ADAMTS6: variants seen among roughly 807,000 people sequenced by gnomAD.
ADAMTS6 encodes the protein ADAM metallopeptidase with thrombospondin type 1 motif 6.
ADAMTS6 carries 23 observed loss-of-function variants against 144.3 expected under a neutral mutation model. The observed-to-expected ratio is 0.16, with a 90% CI of 0.11 to 0.23. The LOEUF is 0.23. ADAMTS6 is among the 10% of genes least tolerant of loss of function. The probability of loss-of-function intolerance (pLI) is 1.00; values close to 1 mark genes in which losing one functional copy is unlikely to be tolerated. For synonymous variants in ADAMTS6, 444 were observed against 457.5 expected (o/e 0.97, Z 0.38); for missense variants, 999 against 1,379.6 (o/e 0.72, Z 4.37).
At chr5:65,204,741 T>G (rs1356614774) in intron 20 of ADAMTS6, among the ~76,000 whole-genome samples, 1 of 152,218 alleles carries the variant, frequency 6.6e-6, no homozygotes, top group Non-Finnish European at 1.5e-5. Context: ...TTATAGGGGA[T>G]TTGTATTATT....
At chr5:65,207,751 A>G (rs1756215046) in intron 20 of ADAMTS6, among the ~76,000 whole-genome samples, 1 of 152,254 alleles carries the variant, frequency 6.6e-6, no homozygotes, top group African/African-American at 2.4e-5. Context: ...CAGTGTTCAT[A>G]ATAACTGAGT....
chr5:65,340,254 C>T (rs979510259), intron 7 of ADAMTS6, among the ~76,000 whole-genome samples: 14 of 151,644 alleles, frequency 9.2e-5, no homozygotes, highest in Admixed American at 3.3e-4. Context: ...AATATGCCAC[C>T]AAAGAATAGT....
rs114834662 is a variant in ADAMTS6, at chr5:65,220,126, A to G, written c.2272+4194T>C. Among the ~76,000 whole-genome samples, 1,319 of 152,308 alleles carry G rather than the reference A, an allele frequency of 8.7e-3. 13 individuals carry two copies. The highest frequency in any genetic ancestry group is 0.058 in the Middle Eastern group (17 of 294). ...GACTATAAAAAAACCTTAACAAAAAACTAAAATCATATAAGGTGTGTTTTC... is the reference window on the plus strand; with the variant it reads ...GACTATAAAAAAACCTTAACAAAAAGCTAAAATCATATAAGGTGTGTTTTC... On this transcript the variant is annotated intron_variant, in intron 18 of 24. Coordinates refer to ENST00000381055, the MANE Select transcript of ADAMTS6 (RefSeq NM_197941.4).
intron 7 of ADAMTS6, among the ~76,000 whole-genome samples, chr5:65,409,128 A>G (rs571757217): frequency 3.5e-4 from 53 of 152,338 alleles, no homozygotes; most frequent in Non-Finnish European, 6.0e-4. Flanking sequence ...AAGCTAGCAG[A>G]AGGCAAGAAA....
At chr5:65,461,142 C>T (rs116811988) in intron 3 of ADAMTS6, among the ~76,000 whole-genome samples, 160 of 152,304 alleles carry the variant, frequency 1.1e-3, no homozygotes, top group African/African-American at 3.8e-3. Flanking sequence ...TAGCCAAGTG[C>T]TACTCAGTTA....
chr5:65,242,518 T>C (rs1561319704), intron 14 of ADAMTS6, among the ~76,000 whole-genome samples: 1 of 152,174 alleles, frequency 6.6e-6, no homozygotes, highest in Non-Finnish European at 1.5e-5. Context: ...ACATAAAACC[T>C]AGATGAAGAA....
intron 11 of ADAMTS6, 107 bp from the exon 12 acceptor site, chr5:65,273,554 C>A (rs17814262): frequency 0.05 from 41,466 of 828,588 alleles, 1,256 homozygotes; most frequent in Admixed American, 0.071. Flanking sequence ...ACCCTGGGTA[C>A]CTTTTGCTGC....
chr5:65,326,769 G>A (rs1018419168), intron 9 of ADAMTS6, among the ~76,000 whole-genome samples: 1 of 152,144 alleles, frequency 6.6e-6, no homozygotes, highest in Admixed American at 6.6e-5. Context: ...GGTTCAGGAA[G>A]AATAGAGATC....
At chr5:65,161,799 C>A (rs1257792877) in intron 24 of ADAMTS6, among the ~76,000 whole-genome samples, 1 of 152,110 alleles carries the variant, frequency 6.6e-6, no homozygotes, top group South Asian at 2.1e-4. Flanking sequence ...GAACACAAAA[C>A]AAGTTATGAC....
At chr5:65,270,748 T>C (rs1448549921) in intron 12 of ADAMTS6, among the ~76,000 whole-genome samples, 1 of 152,204 alleles carries the variant, frequency 6.6e-6, no homozygotes, top group Non-Finnish European at 1.5e-5. Flanking sequence ...CTTATGATAG[T>C]ACACTCTTAT....
chr5:65,441,793 T>C (rs539500395), intron 7 of ADAMTS6, among the ~76,000 whole-genome samples: 1 of 150,372 alleles, frequency 6.7e-6, no homozygotes, highest in South Asian at 2.1e-4. Context: ...TGGGGGGGAA[T>C]TTGGAACTAA....
At chr5:65,404,387 C>T (rs1369163160) in intron 7 of ADAMTS6, among the ~76,000 whole-genome samples, 1 of 152,082 alleles carries the variant, frequency 6.6e-6, no homozygotes, top group Non-Finnish European at 1.5e-5. Context: ...TGAGTGAGAA[C>T]ATATGGTGTT....
Position 65,473,647 on chromosome 5 carries a change from G to C in ADAMTS6, c.27C>G (p.Thr9=). The C allele has an allele frequency of 6.2e-7, 1 of 1,613,640 alleles. No homozygotes were observed. Among genetic ancestry groups the C allele is most frequent in the South Asian group, 1.1e-5 (1 of 91,044 alleles). MEILWKTL[T]WILSLIMASS... is the part of the protein sequence containing the mutation. ...AAGCCATGATGAGGCTCAAAATCCA[G>C]GTCAACGTCTTCCACAAAATTTCCA... The change falls in exon 2 of 25, where the codon ACC becomes ACG. Residue 9 remains threonine (T), a synonymous_variant. Coordinates refer to ENST00000381055, the MANE Select transcript of ADAMTS6 (RefSeq NM_197941.4).
chr5:65,355,815 GA>G (rs756018510), intron 7 of ADAMTS6, among the ~76,000 whole-genome samples: 8 of 151,752 alleles, frequency 5.3e-5, no homozygotes, highest in Non-Finnish European at 1.2e-4. Context: ...ATTGGATTAG[GA>G]ATTTGTATAA....
At chr5:65,254,979 CACT>C (rs1382140988) in intron 14 of ADAMTS6, among the ~76,000 whole-genome samples, 1 of 152,184 alleles carries the variant, frequency 6.6e-6, no homozygotes, top group Non-Finnish European at 1.5e-5. Context: ...CTACTACTAC[CACT>C]ACATCTGTGG....
intron 15 of ADAMTS6, among the ~76,000 whole-genome samples, chr5:65,229,539 C>T (rs1757977326): frequency 6.6e-6 from 1 of 152,002 alleles, no homozygotes; most frequent in Non-Finnish European, 1.5e-5. Flanking sequence ...TATAAGAGAA[C>T]ACAGACAACT....
At chr5:65,284,042 T>C (rs1763182548) in intron 11 of ADAMTS6, among the ~76,000 whole-genome samples, 2 of 152,076 alleles carry the variant, frequency 1.3e-5, no homozygotes, top group Admixed American at 1.3e-4. Context: ...CTGTATCTCT[T>C]AAAAAAGTTG....
At chr5:65,229,829 G>A (rs936772830) in intron 15 of ADAMTS6, among the ~76,000 whole-genome samples, 1 of 151,934 alleles carries the variant, frequency 6.6e-6, no homozygotes, top group African/African-American at 2.4e-5. Flanking sequence ...AAAAGAAAGT[G>A]GAATAGGCTT....
intron 7 of ADAMTS6, among the ~76,000 whole-genome samples, chr5:65,445,329 T>A (rs577927679): frequency 6.6e-6 from 1 of 152,056 alleles, no homozygotes; most frequent in South Asian, 2.1e-4. Flanking sequence ...CTCTTTCAGT[T>A]TTTTTGTGGT....
Sources: gnomAD v4.1 joint callset for allele counts (sites outside exome capture counted in the v4.1 genomes callset) on GRCh38, gnomAD v4.1.1 for gene constraint, MANE v1.5 for transcripts, NCBI Gene and HGNC (gene_info 2026-07-23, HGNC 2026-07-21) for gene names.